The following FAM120A variants were observed in gnomAD, a reference collection of about 807,000 sequenced individuals.
FAM120A encodes the protein family with sequence similarity 120 member A, also known as constitutive coactivator of PPAR-gamma-like protein 1.
FAM120A carries 15 observed loss-of-function variants against 109.7 expected under a neutral mutation model. The ratio of observed to expected loss-of-function variants is 0.14; its 90% CI spans 0.09 to 0.21. FAM120A has a LOEUF of 0.21. Ranked by LOEUF, FAM120A falls within the 10% of genes least tolerant of loss-of-function variation. FAM120A has a pLI of 1.00. For missense variants in FAM120A, 899 were observed against 1,439.3 expected (o/e 0.62, Z 6.07); for synonymous variants, 493 against 572.8 (o/e 0.86, Z 1.99).
intron 3 of FAM120A, 79 bp downstream of exon 3, chr9:93,476,417 C>A: frequency 1.1e-6 from 1 of 939,132 alleles, no homozygotes; most frequent in Non-Finnish European, 1.7e-6. Flanking sequence ...CATGTTAGGC[C>A]CTTTATTGGT....
At chr9:93,552,132 A>G (rs914620223) in intron 12 of FAM120A, among the ~76,000 whole-genome samples, 1 of 152,224 alleles carries the variant, frequency 6.6e-6, no homozygotes, top group Non-Finnish European at 1.5e-5. Context: ...TTGACATCCC[A>G]GTTCTGAAAA....
intron 12 of FAM120A, among the ~76,000 whole-genome samples, chr9:93,554,239 G>A (rs1057323155): frequency 1.3e-5 from 2 of 149,278 alleles, no homozygotes; most frequent in African/African-American, 2.5e-5. Context: ...TAACTAGGGC[G>A]CTTGTGTGCC....
intron 7 of FAM120A, among the ~76,000 whole-genome samples, chr9:93,525,382 C>G (rs989577052): frequency 2.6e-5 from 4 of 152,150 alleles, no homozygotes; most frequent in Non-Finnish European, 4.4e-5. Flanking sequence ...GCATGATCCT[C>G]TAGATCCTCT....
intron 1 of FAM120A, among the ~76,000 whole-genome samples, chr9:93,459,322 C>G (rs1212172989): frequency 6.6e-6 from 1 of 152,226 alleles, no homozygotes. Flanking sequence ...GCACTCAACT[C>G]TAATCAGAAT....
intron 10 of FAM120A, among the ~76,000 whole-genome samples, chr9:93,540,767 C>T (rs1246517773): frequency 6.6e-6 from 1 of 152,176 alleles, no homozygotes; most frequent in African/African-American, 2.4e-5. Flanking sequence ...ACCTCCTCTT[C>T]ACTCTGCAAT....
At chr9:93,531,007 T>C (rs1861308683) in intron 9 of FAM120A, 2 of 152,210 alleles carry the variant, frequency 1.3e-5, no homozygotes, top group Non-Finnish European at 2.9e-5. Context: ...AAAATGACCA[T>C]GGTTGAGAAA....
At chr9:93,556,302 GGA>G (rs1336717672) in intron 12 of FAM120A, 78 bp from the exon 13 acceptor site, 4 of 1,178,516 alleles carry the variant, frequency 3.4e-6, no homozygotes, top group African/African-American at 1.5e-5. Flanking sequence ...TGTTAACTTT[GGA>G]GAGTTTTACT....
chr9:93,469,211 G>A (rs1858197185), intron 1 of FAM120A, among the ~76,000 whole-genome samples: 1 of 152,224 alleles, frequency 6.6e-6, no homozygotes, highest in Admixed American at 6.5e-5. Flanking sequence ...TGTGAAGCTG[G>A]GAGATGAGTG....
chr9:93,455,487 T>C (rs1261893151), intron 1 of FAM120A, among the ~76,000 whole-genome samples: 1 of 152,188 alleles, frequency 6.6e-6, no homozygotes. Flanking sequence ...TTTTATCATA[T>C]GATAATTTTT....
chr9:93,520,410 A>C (rs1275467031), intron 7 of FAM120A, among the ~76,000 whole-genome samples: 1 of 152,252 alleles, frequency 6.6e-6, no homozygotes, highest in African/African-American at 2.4e-5. Flanking sequence ...GCAGCCATCA[A>C]GAAACATAAA....
At chr9:93,563,377 C>G (rs1862539142) in intron 17 of FAM120A, among the ~76,000 whole-genome samples, 1 of 152,218 alleles carries the variant, frequency 6.6e-6, no homozygotes, top group South Asian at 2.1e-4. Context: ...GCTCTCAGCC[C>G]TGGTGATTGG....
chr9:93,527,329 ATC>A (rs1861128107), intron 8 of FAM120A, 87 bp downstream of exon 8: 3 of 971,478 alleles, frequency 3.1e-6, no homozygotes, highest in Non-Finnish European at 4.9e-6. Context: ...GAAAAATAAT[ATC>A]TCTCTCTTTT....
intron 7 of FAM120A, among the ~76,000 whole-genome samples, chr9:93,518,130 G>T (rs1241245803): frequency 6.6e-6 from 1 of 152,174 alleles, no homozygotes; most frequent in Non-Finnish European, 1.5e-5. Context: ...CCTATAATAA[G>T]GAAGAGACAG....
At position 93,558,725 on chromosome 9, in the gene FAM120A, A is replaced by T. The variant is rs1862377282; in HGVS notation, c.2806+7A>T. The T allele has an allele frequency of 6.2e-7, 1 of 1,612,750 alleles. No homozygotes were observed. Among genetic ancestry groups the T allele is most frequent in the Non-Finnish European group, 8.5e-7 (1 of 1,179,382 alleles). ...ACTAGCAAGTCCCAGGGCGGTAATT[A>T]TACCCACCCCTTCCCAGAGCTTCTG... On this transcript the variant is annotated splice_region_variant and intron_variant, in intron 15 of 17. Coordinates refer to ENST00000277165, the MANE Select transcript of FAM120A (RefSeq NM_014612.5).
intron 2 of FAM120A, among the ~76,000 whole-genome samples, chr9:93,473,565 G>A (rs1193547922): frequency 2.6e-5 from 4 of 152,094 alleles, no homozygotes; most frequent in Non-Finnish European, 5.9e-5. Context: ...ACCTGCCTGA[G>A]CCTCCCAAAG....
At chr9:93,519,734 C>T (rs1010590054) in intron 7 of FAM120A, among the ~76,000 whole-genome samples, 2 of 151,964 alleles carry the variant, frequency 1.3e-5, no homozygotes, top group African/African-American at 4.8e-5. Context: ...AATAAATGGC[C>T]TAGTTTCCCC....
chr9:93,492,351 T>C (rs1859365704), intron 3 of FAM120A, among the ~76,000 whole-genome samples: 1 of 152,208 alleles, frequency 6.6e-6, no homozygotes, highest in Non-Finnish European at 1.5e-5. Flanking sequence ...AAAGATATAT[T>C]ACAACTCTCC....
chr9:93,461,006 A>G (rs1257835420), intron 1 of FAM120A, among the ~76,000 whole-genome samples: 1 of 152,196 alleles, frequency 6.6e-6, no homozygotes, highest in Non-Finnish European at 1.5e-5. Context: ...ACCTGGCTTT[A>G]TCACACATTG....
chr9:93,527,337 C>T (rs533317805), intron 8 of FAM120A, 95 bp downstream of exon 8: 175 of 908,704 alleles, frequency 1.9e-4, no homozygotes, highest in Non-Finnish European at 2.9e-4. Flanking sequence ...ATATCTCTCT[C>T]TTTTAATCGG....
Sources: allele counts gnomAD v4.1 joint callset (sites outside exome capture counted in the v4.1 genomes callset), GRCh38; gene constraint gnomAD v4.1.1; transcripts MANE v1.5; gene names NCBI Gene and HGNC (gene_info 2026-07-23, HGNC 2026-07-21).